BRAF: variants seen among roughly 807,000 people sequenced by gnomAD.
BRAF encodes the protein serine/threonine-protein kinase B-raf.
A neutral mutation model predicts 104.6 loss-of-function variants in BRAF; 16 were observed. The ratio of observed to expected loss-of-function variants is 0.15; its 90% CI spans 0.10 to 0.23. BRAF has a LOEUF of 0.23. Among genes scored for constraint, BRAF ranks in the 10% least tolerant of loss-of-function variants. The pLI, the probability that BRAF is intolerant of heterozygous loss-of-function variation, is 1.00. For synonymous variants in BRAF, 310 were observed against 341.6 expected, an observed-to-expected ratio of 0.91 and a Z score of 1.02; for missense variants, 541 against 937.3, an observed-to-expected ratio of 0.58 and a Z score of 5.52.
In BRAF at chr7:140,722,433, C is replaced by G. The variant is rs2130821732; in HGVS notation, c.*4061G>C. 9.5e-7 allele frequency: 1 copy of G among 1,054,924 alleles called. No homozygotes were observed. The highest frequency in any genetic ancestry group is 1.1e-6 in the Non-Finnish European group (1 of 872,826). The allele number at this position is 1,054,924 out of a possible 1,614,324, so 65.3% of individuals were successfully genotyped here. A position where few individuals can be genotyped will look rare whatever the true frequency, so the allele number is the denominator to read the frequency against. ...GCTTTTTTATTGCATCATGAAGGCA[C>G]AGTAAGATCATTTGGCAAATTGTCA... On this transcript the variant is annotated 3_prime_UTR_variant, in exon 20 of 20. Transcript: ENST00000644969.
intron 19 of BRAF, among the ~76,000 whole-genome samples, chr7:140,727,824 TGTTA>T (rs1034158009): frequency 1.4e-4 from 22 of 152,110 alleles, no homozygotes; most frequent in African/African-American, 4.3e-4. Context: ...GGTTTCACTG[TGTTA>T]GTTAGGATGG....
At chr7:140,867,950 T>C (rs1296073108) in intron 1 of BRAF, among the ~76,000 whole-genome samples, 1 of 152,198 alleles carries the variant, frequency 6.6e-6, no homozygotes, top group Non-Finnish European at 1.5e-5. Context: ...AAGCTTAAAA[T>C]GCAAATATGC....
intron 1 of BRAF, among the ~76,000 whole-genome samples, chr7:140,889,275 A>G (rs879461999): frequency 2.6e-5 from 4 of 152,204 alleles, no homozygotes; most frequent in Non-Finnish European, 4.4e-5. Context: ...ATTTGTACAC[A>G]CTATTATAAT....
chr7:140,719,752 A>G lies in BRAF; in HGVS notation c.*6742T>C. ...CTTTAAAAATAGTTACTCCATTGTA[A>G]TTTTTGCAAAGCAGGTATAGAGAGG... On this transcript the variant is annotated 3_prime_UTR_variant, in exon 20 of 20. Coordinates refer to ENST00000644969, the MANE Select transcript of BRAF (RefSeq NM_001374258.1). The G allele has an allele frequency of 9.4e-7, 1 of 1,062,710 alleles. No individual in the cohort carries two copies. Among genetic ancestry groups the G allele is most frequent in the Middle Eastern group, 4.2e-4 (1 of 2,380 alleles). 65.8% of individuals were successfully genotyped at this position (1,062,710 alleles called of 1,614,324 possible). A position where few individuals can be genotyped will look rare whatever the true frequency, so the allele number is the denominator to read the frequency against.
chr7:140,750,270 A>C (rs566246611), intron 16 of BRAF, among the ~76,000 whole-genome samples: 1 of 152,342 alleles, frequency 6.6e-6, no homozygotes, highest in Admixed American at 6.5e-5. Flanking sequence ...TTGACAGCAA[A>C]AGTGGTACTA....
downstream of BRAF, among the ~76,000 whole-genome samples, chr7:140,716,320 T>C (rs911415078): frequency 1.3e-5 from 2 of 152,242 alleles, no homozygotes; most frequent in Non-Finnish European, 2.9e-5. Context: ...CTTTGATCTG[T>C]ACCTTAATGT....
intron 1 of BRAF, among the ~76,000 whole-genome samples, chr7:140,896,863 CAAAAAAA>C (rs766150256): frequency 2.7e-5 from 1 of 36,740 alleles, no homozygotes; most frequent in Non-Finnish European, 6.2e-5. Context: ...GACTCCATCT[CAAAAAAA>C]AAAAAAAAAA....
intron 1 of BRAF, among the ~76,000 whole-genome samples, chr7:140,897,059 CTTTT>C (rs769606077): frequency 7.2e-6 from 1 of 138,534 alleles, no homozygotes; most frequent in Non-Finnish European, 1.6e-5. Context: ...CAACCTAATT[CTTTT>C]TTTTTTTTTT....
intron 1 of BRAF, among the ~76,000 whole-genome samples, chr7:140,884,427 A>ATGTGTGTG (rs1491354147): frequency 6.8e-4 from 78 of 114,656 alleles, no homozygotes; most frequent in African/African-American, 2.1e-3. Flanking sequence ...TATATATAAG[A>ATGTGTGTG]TATGTGTGTG....
chr7:140,812,290 T>C (rs1329871466), intron 3 of BRAF, among the ~76,000 whole-genome samples: 1 of 152,042 alleles, frequency 6.6e-6, no homozygotes, highest in Non-Finnish European at 1.5e-5. Flanking sequence ...TTGTGGAATC[T>C]GAAGCCCACG....
At chr7:140,801,760 T>C (rs142162384) in intron 5 of BRAF, among the ~76,000 whole-genome samples, 200 bp from the exon 6 acceptor site, 7 of 152,262 alleles carry the variant, frequency 4.6e-5, no homozygotes, top group Non-Finnish European at 1.0e-4. Flanking sequence ...CCCACCCCAC[T>C]ATCTAACTTA....
chr7:140,891,591 G>T (rs1814224483), intron 1 of BRAF, among the ~76,000 whole-genome samples: 1 of 152,162 alleles, frequency 6.6e-6, no homozygotes, highest in African/African-American at 2.4e-5. Context: ...GAGGGCCACT[G>T]TAGAAGTGGC....
chr7:140,825,838 T>A (rs1202327872), intron 3 of BRAF, among the ~76,000 whole-genome samples: 4 of 152,224 alleles, frequency 2.6e-5, no homozygotes, highest in Non-Finnish European at 4.4e-5. Context: ...TGAGTGCTTT[T>A]AAAACAATAT....
At chr7:140,884,421 TATAAG>T (rs1221017118) in intron 1 of BRAF, among the ~76,000 whole-genome samples, 1 of 140,738 alleles carries the variant, frequency 7.1e-6, no homozygotes, top group Non-Finnish European at 1.5e-5. Flanking sequence ...CTTATATATA[TATAAG>T]ATATGTGTGT....
At chr7:140,726,768 T>A (rs1440112835) in intron 19 of BRAF, among the ~76,000 whole-genome samples, 2 of 152,230 alleles carry the variant, frequency 1.3e-5, no homozygotes, top group Non-Finnish European at 2.9e-5. Context: ...GTTTTATGTA[T>A]CATGGTTCTG....
intron 3 of BRAF, among the ~76,000 whole-genome samples, chr7:140,809,816 C>T (rs145263206): frequency 4.6e-5 from 7 of 151,166 alleles, no homozygotes; most frequent in East Asian, 3.9e-4. Flanking sequence ...AGCTAACATA[C>T]GAAGCAGCAA....
At chr7:140,717,050 C>CA (rs1563218925), downstream of BRAF, among the ~76,000 whole-genome samples, 1 of 152,146 alleles carries the variant, frequency 6.6e-6, no homozygotes, top group African/African-American at 2.4e-5. Context: ...ACAGTAGGGA[C>CA]AAGTGGAGCA....
intron 2 of BRAF, among the ~76,000 whole-genome samples, chr7:140,837,989 T>C (rs1395307319): frequency 6.6e-6 from 1 of 152,156 alleles, no homozygotes; most frequent in East Asian, 1.9e-4. Context: ...TCATCTACTT[T>C]TCCCTTTTCC....
chr7:140,783,351 G>T (rs1051064434), intron 10 of BRAF, 194 bp from the exon 10 acceptor site: 2 of 632,764 alleles, frequency 3.2e-6, no homozygotes, highest in Admixed American at 6.2e-5. Context: ...TAGTTTTCTG[G>T]CCAATTTAAT....
Sources: gnomAD v4.1 joint callset for allele counts (sites outside exome capture counted in the v4.1 genomes callset) on GRCh38, gnomAD v4.1.1 for gene constraint, MANE v1.5 for transcripts, NCBI Gene and HGNC (gene_info 2026-07-23, HGNC 2026-07-21) for gene names.